ABCA13: variants seen among roughly 807,000 people sequenced by gnomAD.
The protein encoded by ABCA13 is ATP binding cassette subfamily A member 13.
A neutral mutation model predicts 478.7 loss-of-function variants in ABCA13; 476 were observed. The observed-to-expected ratio is 0.99, with a 90% CI of 0.92 to 1.07. ABCA13 has a LOEUF of 1.07. Among genes scored for constraint, ABCA13 ranks in the 50% least tolerant of loss-of-function variants. The pLI, the probability that ABCA13 is intolerant of heterozygous loss-of-function variation, is 0.00. For missense variants in ABCA13, 6,060 were observed against 5,910.6 expected (o/e 1.03, Z -0.83); for synonymous variants, 2,252 against 2,158.9 (o/e 1.04, Z -1.20).
intron 46 of ABCA13, among the ~76,000 whole-genome samples, chr7:48,482,534 T>C (rs1828879878): frequency 1.3e-5 from 2 of 150,038 alleles, no homozygotes; most frequent in Non-Finnish European, 3.0e-5. Context: ...CCTGCCACCA[T>C]GCCCAGCTAA....
intron 42 of ABCA13, among the ~76,000 whole-genome samples, chr7:48,435,743 A>G (rs1822743626): frequency 6.6e-6 from 1 of 151,662 alleles, no homozygotes; most frequent in African/African-American, 2.4e-5. Context: ...GAATTTTGTA[A>G]AAGTTCTTTA....
At chr7:48,616,274 T>C (rs998018879) in intron 59 of ABCA13, among the ~76,000 whole-genome samples, 2 of 152,096 alleles carry the variant, frequency 1.3e-5, no homozygotes, top group East Asian at 1.9e-4. Flanking sequence ...ATTTTTAGAG[T>C]TAGGCACTGC....
chr7:48,253,172 T>C (rs1792834633), intron 15 of ABCA13, among the ~76,000 whole-genome samples: 1 of 152,192 alleles, frequency 6.6e-6, no homozygotes, highest in South Asian at 2.1e-4. Flanking sequence ...CCTAGCCGCC[T>C]GCAGGTCTGC....
chr7:48,598,830 A>G (rs910277417), intron 58 of ABCA13, among the ~76,000 whole-genome samples: 2 of 151,782 alleles, frequency 1.3e-5, no homozygotes, highest in Admixed American at 1.3e-4. Flanking sequence ...TCTTATATTT[A>G]AGTCTTTGAT....
At chr7:48,425,942 T>C (rs1243788774) in intron 41 of ABCA13, among the ~76,000 whole-genome samples, 1 of 151,940 alleles carries the variant, frequency 6.6e-6, no homozygotes, top group Non-Finnish European at 1.5e-5. Flanking sequence ...GAGGTTTCAC[T>C]GTGTTAGCCA....
At chr7:48,611,305 C>T (rs1792001238) in intron 58 of ABCA13, among the ~76,000 whole-genome samples, 1 of 152,170 alleles carries the variant, frequency 6.6e-6, no homozygotes, top group South Asian at 2.1e-4. Context: ...TCCAAACTCC[C>T]TTATTTTCCC....
chr7:48,413,576 A>T (rs1819559495), intron 41 of ABCA13, among the ~76,000 whole-genome samples: 1 of 152,184 alleles, frequency 6.6e-6, no homozygotes, highest in Non-Finnish European at 1.5e-5. Context: ...CGGGTTTTCA[A>T]AAAATCAAGT....
rs768796159 is a variant in ABCA13 at position 48,227,286 on chromosome 7, G to A, written c.493G>A (p.Val165Ile). 2 of 1,613,658 alleles carry A rather than the reference G, an allele frequency of 1.2e-6. No individual in the cohort carries two copies. The highest frequency in any genetic ancestry group is 1.7e-6 in the Non-Finnish European group (2 of 1,179,814). ...GATGGATCTCAATAAGACCGAGGAG[G>A]TAATATTGAAACTGGAAAGCCTCCA... ...FTMDLNKTEE[V>I]ILKLESLHQQ... The change falls in exon 6 of 62, where the codon GTA (valine) becomes ATA (isoleucine). Residue 165 changes from valine to isoleucine, a missense_variant. Transcript: ENST00000435803.
chr7:48,418,469 G>A (rs561356793), intron 41 of ABCA13, among the ~76,000 whole-genome samples: 1 of 152,100 alleles, frequency 6.6e-6, no homozygotes, highest in East Asian at 1.9e-4. Flanking sequence ...ATTCTTATTT[G>A]CCATTTGAAT....
At chr7:48,633,635 C>T (rs1312785626) in intron 59 of ABCA13, among the ~76,000 whole-genome samples, 6 of 151,260 alleles carry the variant, frequency 4.0e-5, no homozygotes, top group Admixed American at 6.6e-5. Context: ...CCAGCATTTT[C>T]GGAGGCCAAG....
rs1457193874 is a variant in ABCA13, at chr7:48,311,266, ACC to A, written c.9516+1127_9516+1128del. On this transcript the variant is annotated intron_variant, in intron 24 of 61. Coordinates refer to ENST00000435803, the MANE Select transcript of ABCA13 (RefSeq NM_152701.5). ...TAAATGTTGGAATGAACACACACAC[ACC>A]CACACACACACACTCCAAGAACAAA... is the stretch of plus-strand genomic sequence containing the variant. 1.2e-4 allele frequency among the ~76,000 whole-genome samples: 18 copies of A among 152,144 alleles called. 1 individual carries two copies. The South Asian group carries it at 3.7e-3, about 32-fold the overall frequency.
intron 42 of ABCA13, among the ~76,000 whole-genome samples, chr7:48,454,099 A>C (rs1228556624): frequency 3.3e-5 from 5 of 152,168 alleles, no homozygotes. Context: ...TCTGTTCTTT[A>C]TAAGACTGCC....
At chr7:48,430,509 A>C (rs1334741283) in intron 42 of ABCA13, among the ~76,000 whole-genome samples, 2 of 152,078 alleles carry the variant, frequency 1.3e-5, no homozygotes, top group Admixed American at 6.5e-5. Flanking sequence ...CCCCGTCTCC[A>C]CTAAAAATAC....
chr7:48,264,031 T>C (rs1794551019), intron 15 of ABCA13, among the ~76,000 whole-genome samples: 2 of 151,956 alleles, frequency 1.3e-5, no homozygotes, highest in Non-Finnish European at 2.9e-5. Context: ...GAGATTTTTA[T>C]AAATGGACAT....
rs77239251 is a variant in ABCA13, at chr7:48,398,240, C to A, written c.11874-5443C>A. ...TTTAAAATGCATCTACCCTAGACCA[C>A]AGTAAACTCTATTGTGATTGAGATT... is the stretch of plus-strand genomic sequence containing the variant. On this transcript the variant is annotated intron_variant, in intron 38 of 61. Transcript: ENST00000435803. Among the ~76,000 whole-genome samples, 637 of 152,316 alleles carry A rather than the reference C, an allele frequency of 4.2e-3. 8 individuals are homozygous for A. Among genetic ancestry groups the A allele is most frequent in the African/African-American group, 0.014 (593 of 41,566 alleles).
chr7:48,203,209 C>G (rs1475710352), intron 3 of ABCA13, among the ~76,000 whole-genome samples: 2 of 151,478 alleles, frequency 1.3e-5, no homozygotes, highest in African/African-American at 2.4e-5. Context: ...GCTCCGAGTG[C>G]GGGCGGGGCC....
At chr7:48,414,428 C>T (rs1344347898) in intron 41 of ABCA13, among the ~76,000 whole-genome samples, 1 of 151,990 alleles carries the variant, frequency 6.6e-6, no homozygotes, top group Non-Finnish European at 1.5e-5. Context: ...TACTGGCACT[C>T]ATGGTTGCTT....
chr7:48,482,302 A>T (rs1343350555), intron 46 of ABCA13, among the ~76,000 whole-genome samples: 2 of 152,222 alleles, frequency 1.3e-5, no homozygotes, highest in Non-Finnish European at 2.9e-5. Context: ...CCTAAACCAG[A>T]CAAGATTTGA....
intron 54 of ABCA13, among the ~76,000 whole-genome samples, 169 bp downstream of exon 54, chr7:48,524,609 T>TA (rs1832767111): frequency 2.0e-5 from 3 of 151,808 alleles, no homozygotes; most frequent in Non-Finnish European, 4.4e-5. Context: ...GAGGGTCTGT[T>TA]GACTATTTCA....
Sources: allele counts gnomAD v4.1 joint callset (sites outside exome capture counted in the v4.1 genomes callset), GRCh38; gene constraint gnomAD v4.1.1; transcripts MANE v1.5; gene names NCBI Gene and HGNC (gene_info 2026-07-23, HGNC 2026-07-21).